The following GON4L variants were observed in gnomAD, a reference collection of about 807,000 sequenced individuals.
GON4L encodes GON-4-like protein.
A neutral mutation model predicts 211.8 loss-of-function variants in GON4L; 87 were observed. The ratio of observed to expected loss-of-function variants is 0.41; its 90% CI spans 0.35 to 0.49. GON4L has a LOEUF of 0.49. GON4L is among the 20% of genes least tolerant of loss of function. The pLI is 0.15. For synonymous variants in GON4L, 875 were observed against 962.6 expected (o/e 0.91, Z 1.68); for missense variants, 2,155 against 2,659.5 (o/e 0.81, Z 4.17).
chr1:155,828,632 C>A (rs1426437411), intron 2 of GON4L, among the ~76,000 whole-genome samples: 1 of 151,246 alleles, frequency 6.6e-6, no homozygotes, highest in Non-Finnish European at 1.5e-5. Context: ...CACGGCAAAA[C>A]CCCGTCTCTA....
chr1:155,763,171 G>A (rs1662023837), intron 22 of GON4L, 141 bp downstream of exon 22: 3 of 641,558 alleles, frequency 4.7e-6, no homozygotes, highest in Admixed American at 3.0e-5. Flanking sequence ...ATGTTTTGGG[G>A]GAGGGGTGTT....
intron 2 of GON4L, among the ~76,000 whole-genome samples, chr1:155,841,535 T>C (rs766683361): frequency 3.9e-5 from 6 of 152,178 alleles, no homozygotes; most frequent in Non-Finnish European, 7.4e-5. Flanking sequence ...TTATATTGCT[T>C]AAAAGGGGTT....
chr1:155,840,189 T>C (rs1413186236), intron 2 of GON4L, among the ~76,000 whole-genome samples: 1 of 152,222 alleles, frequency 6.6e-6, no homozygotes, highest in Non-Finnish European at 1.5e-5. Flanking sequence ...AAACTTTTCA[T>C]GTTCACCTGC....
intron 18 of GON4L, among the ~76,000 whole-genome samples, chr1:155,772,467 A>C (rs757276849): frequency 6.6e-6 from 1 of 151,898 alleles, no homozygotes; most frequent in Non-Finnish European, 1.5e-5. Context: ...AAATGTTCAT[A>C]ATCTGGTGGG....
chr1:155,747,804 G>T, downstream of GON4L: 1 of 1,612,134 alleles, frequency 6.2e-7, no homozygotes, highest in Non-Finnish European at 8.5e-7. Context: ...CTTCTCTGGG[G>T]TAGGCGCGAA....
At chr1:155,802,080 C>A (rs1666723025) in intron 11 of GON4L, among the ~76,000 whole-genome samples, 1 of 152,068 alleles carries the variant, frequency 6.6e-6, no homozygotes, top group Non-Finnish European at 1.5e-5. Flanking sequence ...TTATTTTTAT[C>A]CCCACATTAA....
In GON4L at chr1:155,829,223, CT is replaced by C. The variant is rs112526182; in HGVS notation, c.506-2196del. On this transcript the variant is annotated intron_variant, in intron 2 of 31. Coordinates refer to ENST00000368331, the MANE Select transcript of GON4L (RefSeq NM_001282860.2). Reference sequence around the variant, plus strand: ...TTTGACTTACATACCCTAATTTCCACTTATGCTTCTCCTTTCTTTGCCTCCT... The same window carrying C: ...TTTGACTTACATACCCTAATTTCCACTATGCTTCTCCTTTCTTTGCCTCCT... 5.6e-3 allele frequency among the ~76,000 whole-genome samples: 855 copies of C among 152,302 alleles called. 7 individuals are homozygous for C. The highest frequency in any genetic ancestry group is 0.019 in the African/African-American group (808 of 41,580).
intron 18 of GON4L, among the ~76,000 whole-genome samples, chr1:155,772,840 G>A (rs922415669): frequency 1.3e-4 from 20 of 152,062 alleles, no homozygotes; most frequent in African/African-American, 4.6e-4. Flanking sequence ...CACCATGTCC[G>A]GTCTAAAATG....
chr1:155,800,076 T>G (rs1183705418), intron 11 of GON4L, among the ~76,000 whole-genome samples: 1 of 152,070 alleles, frequency 6.6e-6, no homozygotes, highest in East Asian at 1.9e-4. Context: ...GGCACATGCC[T>G]GTAATCCAGT....
intron 6 of GON4L, among the ~76,000 whole-genome samples, chr1:155,817,483 T>C (rs1668350752): frequency 6.6e-6 from 1 of 152,170 alleles, no homozygotes; most frequent in African/African-American, 2.4e-5. Context: ...TCTGACCATT[T>C]ATCTAGTGCT....
intron 22 of GON4L, among the ~76,000 whole-genome samples, chr1:155,762,830 G>T (rs560946285): frequency 2.0e-5 from 3 of 152,278 alleles, no homozygotes; most frequent in African/African-American, 7.2e-5. Context: ...AAGGTTAGGA[G>T]TTCGATACCA....
At chr1:155,810,098 C>T (rs1255572269) in intron 10 of GON4L, among the ~76,000 whole-genome samples, 3 of 149,070 alleles carry the variant, frequency 2.0e-5, no homozygotes, top group Admixed American at 1.4e-4. Flanking sequence ...TGGGTTAAAG[C>T]GATTTTCGTG....
intron 16 of GON4L, 49 bp downstream of exon 16, chr1:155,776,346 G>T: frequency 8.2e-7 from 1 of 1,215,344 alleles, no homozygotes; most frequent in Non-Finnish European, 1.2e-6. Context: ...AACCTGCCAA[G>T]CTAATTTCAT....
chr1:155,817,370 T>C (rs1668342999), intron 6 of GON4L, among the ~76,000 whole-genome samples: 1 of 152,196 alleles, frequency 6.6e-6, no homozygotes, highest in African/African-American at 2.4e-5. Flanking sequence ...ACCATTTAAT[T>C]GTAACCCAAC....
chr1:155,833,347 C>A (rs1258235437), intron 2 of GON4L, among the ~76,000 whole-genome samples: 1 of 151,800 alleles, frequency 6.6e-6, no homozygotes, highest in Non-Finnish European at 1.5e-5. Flanking sequence ...CCCATTCTCC[C>A]ACTGCAAAAA....
chr1:155,846,124 T>C (rs775703389), intron 2 of GON4L: 1 of 231,016 alleles, frequency 4.3e-6, no homozygotes, highest in Non-Finnish European at 9.9e-6. Flanking sequence ...TGAAGACCAA[T>C]AACCAAATGG....
chr1:155,754,903 C>CTTT (rs112004109), intron 27 of GON4L, among the ~76,000 whole-genome samples: 12 of 104,570 alleles, frequency 1.1e-4, no homozygotes, highest in African/African-American at 1.5e-4. Flanking sequence ...TCTCCCCATG[C>CTTT]TTTTTTTTTT....
chr1:155,811,169 G>T (rs996014245), intron 10 of GON4L, among the ~76,000 whole-genome samples: 1 of 151,920 alleles, frequency 6.6e-6, no homozygotes, highest in African/African-American at 2.4e-5. Flanking sequence ...GAGGCAAGTG[G>T]ATCATGAGGT....
chr1:155,855,839 G>A (rs1056831374), intron 1 of GON4L, among the ~76,000 whole-genome samples: 9 of 151,940 alleles, frequency 5.9e-5, no homozygotes, highest in African/African-American at 1.7e-4. Flanking sequence ...AAAATTAGCC[G>A]GGCATGGTGG....
Sources: gnomAD v4.1 joint callset for allele counts (sites outside exome capture counted in the v4.1 genomes callset) on GRCh38, gnomAD v4.1.1 for gene constraint, MANE v1.5 for transcripts, NCBI Gene and HGNC (gene_info 2026-07-23, HGNC 2026-07-21) for gene names.